KANSL2: variants seen among roughly 807,000 people sequenced by gnomAD.
KANSL2 encodes NSL complex protein NSL2.
Under a neutral mutation model 55.6 loss-of-function variants are expected in KANSL2, and 34 were observed. The observed-to-expected ratio is 0.61, with a 90% CI of 0.46 to 0.81. The LOEUF (loss-of-function observed/expected upper bound fraction) is 0.81. Ranked by LOEUF, KANSL2 falls within the 40% of genes least tolerant of loss-of-function variation. KANSL2 has a pLI of 0.00. For missense variants in KANSL2, 502 were observed against 609.9 expected (o/e 0.82, Z 1.86); for synonymous variants, 209 against 214.3 (o/e 0.98, Z 0.22).
Position 48,671,945 on chromosome 12 carries a change from G to A in KANSL2, c.563C>T (p.Thr188Ile). 1 of 1,590,398 alleles carries A rather than the reference G, an allele frequency of 6.3e-7. No individual in the cohort carries two copies. The highest frequency in any genetic ancestry group is 8.6e-7 in the Non-Finnish European group (1 of 1,165,720). ...EDPLKHAGVY[T>I]AEEVALIMRE... Reference sequence around the variant, plus strand: ...CATAATCAGGGCCACTTCTTCTGCTGTGTAGACACCAGCATGTCTGGAATA... The same window carrying A: ...CATAATCAGGGCCACTTCTTCTGCTATGTAGACACCAGCATGTCTGGAATA... The change falls in exon 5 of 10, where the codon ACA becomes ATA. Residue 188 changes from threonine (T) to isoleucine (I), a missense_variant. Physicochemically the swap from Thr to Ile is moderately conservative, Grantham distance 89. Coordinates refer to ENST00000420613, the MANE Select transcript of KANSL2 (RefSeq NM_017822.4).
intron 5 of KANSL2, 99 bp downstream of exon 5, chr12:48,671,700 A>G: frequency 7.9e-7 from 1 of 1,265,808 alleles, no homozygotes; most frequent in African/African-American, 1.5e-5. Context: ...AAAATCACCT[A>G]ACAAAGTATG....
rs899573035 is a variant in KANSL2 at position 48,653,829 on chromosome 12, G to T, written c.*215C>A. Reference sequence around the variant, plus strand: ...AGTCCCAAATAATCCCAGAAGCTTTGATAGGGATTATCTCTCTTTCTCTTC... The same window carrying T: ...AGTCCCAAATAATCCCAGAAGCTTTTATAGGGATTATCTCTCTTTCTCTTC... On this transcript the variant is annotated 3_prime_UTR_variant, in exon 10 of 10. Transcript: ENST00000420613. The T allele has an allele frequency of 2.3e-6, 1 of 430,346 alleles. No individual in the cohort carries two copies. Among genetic ancestry groups the T allele is most frequent in the Non-Finnish European group, 4.1e-6 (1 of 246,162 alleles). 26.7% of individuals were successfully genotyped at this position (430,346 alleles called of 1,614,324 possible).
Position 48,654,054 on chromosome 12 carries a change from G to C in KANSL2, c.1469C>G (p.Ser490Cys), listed in dbSNP as rs1396087132. 4.4e-6 allele frequency: 7 copies of C among 1,588,878 alleles called. No homozygotes were observed. The African/African-American group carries it at 9.5e-5, about 22-fold the overall frequency. ...TGGTTCCCCAAACTATCAACTAATA[G>C]AAGTGGGTTCTGGCTTCCCATTTGC... ...ATANGKPEPTSIS is the reference protein window; with the variant it reads ...ATANGKPEPTCIS Residue 490 changes from serine (S) to cysteine (C), a missense_variant, in exon 10 of 10, where the codon TCT becomes TGT. Transcript: ENST00000420613.
intron 2 of KANSL2, 72 bp from the exon 3 acceptor site, chr12:48,679,905 T>C: frequency 8.1e-7 from 1 of 1,235,238 alleles, no homozygotes; most frequent in Non-Finnish European, 1.1e-6. Flanking sequence ...CAGTCCCTAA[T>C]CTTTAAATCA....
chr12:48,679,040 G>A lies in KANSL2; in HGVS notation c.541C>T (p.Leu181=). The part of the protein sequence containing the change: ...DSIDSDQEDP[L]KHAGVYTAEE... ...TTATGTGGAGTTACAACTTACTTTAGGGGATCTTCTTGATCACTGTCTATG... is the reference window on the plus strand; with the variant it reads ...TTATGTGGAGTTACAACTTACTTTAAGGGATCTTCTTGATCACTGTCTATG... The change falls in exon 4 of 10, where the codon CTA becomes TTA. Residue 181 remains leucine, a synonymous_variant. Transcript: ENST00000420613. 1 of 1,608,946 alleles carries A rather than the reference G, an allele frequency of 6.2e-7. No homozygotes were observed. Among genetic ancestry groups the A allele is most frequent in the Non-Finnish European group, 8.5e-7 (1 of 1,175,522 alleles).
intron 8 of KANSL2, among the ~76,000 whole-genome samples, chr12:48,659,662 G>A (rs1448999094): frequency 2.0e-5 from 3 of 152,090 alleles, no homozygotes; most frequent in South Asian, 2.1e-4. Context: ...TAAGCTGGGC[G>A]TGGTGGCTCA....
chr12:48,680,245 G>C (rs1939896867), intron 2 of KANSL2, among the ~76,000 whole-genome samples: 1 of 152,174 alleles, frequency 6.6e-6, no homozygotes, highest in South Asian at 2.1e-4. Context: ...GTTTTTTGTA[G>C]AAACGAAGTC....
At chr12:48,658,046 C>T (rs1233024650) in intron 8 of KANSL2, among the ~76,000 whole-genome samples, 1 of 152,086 alleles carries the variant, frequency 6.6e-6, no homozygotes, top group Non-Finnish European at 1.5e-5. Flanking sequence ...GCCTGGCCAA[C>T]ATGGTGAAAC....
intron 7 of KANSL2, among the ~76,000 whole-genome samples, chr12:48,665,414 T>C (rs1316154308): frequency 6.6e-6 from 1 of 151,868 alleles, no homozygotes; most frequent in Non-Finnish European, 1.5e-5. Flanking sequence ...AATACAAAAA[T>C]TAGCTGGGCA....
intron 9 of KANSL2, chr12:48,654,619 G>C: frequency 1.9e-6 from 1 of 534,386 alleles, no homozygotes. Flanking sequence ...CCCTCAGAAG[G>C]TATGATTTCC....
At chr12:48,659,613 A>T (rs1223749161) in intron 8 of KANSL2, among the ~76,000 whole-genome samples, 1 of 151,750 alleles carries the variant, frequency 6.6e-6, no homozygotes, top group East Asian at 1.9e-4. Context: ...ACAGAGCAAG[A>T]CCCCAATTTA....
chr12:48,678,103 T>A (rs1939858249), intron 4 of KANSL2, among the ~76,000 whole-genome samples: 1 of 152,094 alleles, frequency 6.6e-6, no homozygotes, highest in African/African-American at 2.4e-5. Context: ...TCCAAAGTAA[T>A]GAAGAAAATG....
intron 5 of KANSL2, 94 bp downstream of exon 5, chr12:48,671,705 A>C (rs2137195331): frequency 3.9e-6 from 5 of 1,273,220 alleles, no homozygotes; most frequent in Non-Finnish European, 5.5e-6. Context: ...CACCTAACAA[A>C]GTATGTATCC....
At chr12:48,681,962 C>G in intron 1 of KANSL2, 2 of 702,974 alleles carry the variant, frequency 2.8e-6, no homozygotes, top group Middle Eastern at 2.3e-4. Flanking sequence ...CCGCCTTTGT[C>G]CCGGCCTGCC....
At chr12:48,673,506 G>T (rs2137198266) in intron 4 of KANSL2, among the ~76,000 whole-genome samples, 1 of 151,640 alleles carries the variant, frequency 6.6e-6, no homozygotes, top group East Asian at 1.9e-4. Context: ...GTTGCAGTGA[G>T]CTGAGATCGT....
At chr12:48,668,934 G>A (rs1465129754) in intron 6 of KANSL2, among the ~76,000 whole-genome samples, 172 bp downstream of exon 6, 2 of 152,136 alleles carry the variant, frequency 1.3e-5, no homozygotes, top group African/African-American at 4.8e-5. Flanking sequence ...TACTCGGGAG[G>A]CTGAGGCAGG....
intron 7 of KANSL2, among the ~76,000 whole-genome samples, chr12:48,663,876 G>A (rs1181951506): frequency 7.0e-6 from 1 of 142,686 alleles, no homozygotes; most frequent in African/African-American, 2.6e-5. Flanking sequence ...AAGGCCAACT[G>A]TATTTATAGT....
intron 1 of KANSL2, 110 bp from the exon 2 acceptor site, chr12:48,681,751 G>A: frequency 5.0e-6 from 7 of 1,398,154 alleles, no homozygotes; most frequent in Non-Finnish European, 7.0e-6. Context: ...GTCCCCGTAA[G>A]GTACGCTCCG....
intron 8 of KANSL2, among the ~76,000 whole-genome samples, chr12:48,656,423 G>C (rs1939383266): frequency 6.6e-6 from 1 of 151,782 alleles, no homozygotes; most frequent in Admixed American, 6.6e-5. Context: ...ATGGGCGTGT[G>C]CCACCACGCC....
Sources: gnomAD v4.1 joint callset for allele counts (sites outside exome capture counted in the v4.1 genomes callset) on GRCh38, gnomAD v4.1.1 for gene constraint, MANE v1.5 for transcripts, NCBI Gene and HGNC (gene_info 2026-07-23, HGNC 2026-07-21) for gene names.